The following PTPN13 variants were observed in gnomAD, a reference collection of about 807,000 sequenced individuals.
PTPN13 encodes protein tyrosine phosphatase non-receptor type 13, also known as tyrosine-protein phosphatase non-receptor type 13.
In PTPN13, 191 loss-of-function variants were observed where a neutral mutation model predicts 284.0. The observed-to-expected ratio is 0.67, with a 90% CI of 0.60 to 0.76. The LOEUF (loss-of-function observed/expected upper bound fraction) is 0.76. Ranked by LOEUF, PTPN13 falls within the 30% of genes least tolerant of loss-of-function variation. The pLI is 0.00. For synonymous variants in PTPN13, 986 were observed against 1,022.3 expected (o/e 0.96, Z 0.68); for missense variants, 2,797 against 2,939.9 (o/e 0.95, Z 1.12).
intron 15 of PTPN13, among the ~76,000 whole-genome samples, chr4:86,740,815 T>C (rs892652742): frequency 2.0e-5 from 3 of 152,130 alleles, no homozygotes; most frequent in Admixed American, 2.0e-4. Context: ...GCTTTGCTGC[T>C]TAGAAATTTC....
At chr4:86,599,704 T>C (rs1440950826) in intron 1 of PTPN13, among the ~76,000 whole-genome samples, 1 of 152,204 alleles carries the variant, frequency 6.6e-6, no homozygotes, top group East Asian at 1.9e-4. Context: ...TTTAAAAATA[T>C]ATTGTGTTAT....
chr4:86,778,276 T>C (rs1740877434), intron 35 of PTPN13, among the ~76,000 whole-genome samples: 1 of 152,238 alleles, frequency 6.6e-6, no homozygotes, highest in African/African-American at 2.4e-5. Flanking sequence ...GATTTTACTG[T>C]ACTTGCAAGC....
At chr4:86,697,104 A>G (rs1451069391) in intron 6 of PTPN13, among the ~76,000 whole-genome samples, 1 of 152,134 alleles carries the variant, frequency 6.6e-6, no homozygotes, top group Non-Finnish European at 1.5e-5. Context: ...TGAAAAAAAA[A>G]TTATCTCTTG....
rs1286970412 is a variant in PTPN13, at chr4:86,780,618, ACTTGAAGAAAG to A, written c.5962+147_5962+157del. ...CCAGCTTTTTCACTGCCAGCTGTTC[ACTTGAAGAAAG>A]TAAGCCTATATTCTACATAAAAACT... On this transcript the variant is annotated intron_variant, in intron 36 of 47. Transcript: ENST00000411767. 6.1e-6 allele frequency: 4 copies of A among 660,736 alleles called. No individual in the cohort carries two copies. In the Admixed American group the frequency reaches 9.3e-5, roughly 15 times the overall value. The allele number at this position is 660,736 out of a possible 1,614,324, so 40.9% of individuals were successfully genotyped here. A position where few individuals can be genotyped will look rare whatever the true frequency, so the allele number is the denominator to read the frequency against.
chr4:86,716,501 T>G (rs1363906353), intron 7 of PTPN13, 29 bp from the exon 8 acceptor site: 1 of 1,361,964 alleles, frequency 7.3e-7, no homozygotes, highest in East Asian at 2.4e-5. Flanking sequence ...TGAGTTTGCT[T>G]TCTAATCTTT....
intron 35 of PTPN13, among the ~76,000 whole-genome samples, chr4:86,777,045 T>C (rs1740739047): frequency 6.6e-6 from 1 of 152,170 alleles, no homozygotes; most frequent in South Asian, 2.1e-4. Context: ...TTTCACATTA[T>C]AAAACATGCT....
In PTPN13 at chr4:86,694,501, C is replaced by T. The variant is rs113479315; in HGVS notation, c.634+827C>T. On this transcript the variant is annotated intron_variant, in intron 6 of 47. Coordinates refer to ENST00000411767, the MANE Select transcript of PTPN13 (RefSeq NM_080683.3). The stretch of plus-strand genomic sequence containing the variant: ...AGGCTGAGACAGGAGAATCTTGAAC[C>T]GGGGAGGCAGAGGTTGCAGTTAGCC... 2.9e-3 allele frequency among the ~76,000 whole-genome samples: 409 copies of T among 142,414 alleles called. 3 individuals are homozygous for T. The highest frequency in any genetic ancestry group is 0.01 in the African/African-American group (386 of 37,604). The allele number at this position is 142,414 out of a possible 152,430, so 93.4% of individuals were successfully genotyped here. A position where few individuals can be genotyped will look rare whatever the true frequency, so the allele number is the denominator to read the frequency against.
intron 2 of PTPN13, among the ~76,000 whole-genome samples, chr4:86,657,799 G>C (rs1182500477): frequency 1.3e-5 from 2 of 152,126 alleles, no homozygotes; most frequent in African/African-American, 4.8e-5. Flanking sequence ...TGGAATTGGG[G>C]GCTTCGGGAA....
Position 86,771,345 on chromosome 4 carries a change from G to A in PTPN13, c.4978G>A (p.Glu1660Lys), listed in dbSNP as rs1201959946. The A allele has an allele frequency of 1.3e-6, 2 of 1,591,696 alleles. No homozygotes were observed. The highest frequency in any genetic ancestry group is 1.7e-4 in the Middle Eastern group (1 of 6,044). Residue 1660 changes from glutamate to lysine, a missense_variant, in exon 31 of 48, where the codon GAA becomes AAA. By Grantham distance (56) the Glu-to-Lys change is moderately conservative (BLOSUM62 1). Coordinates refer to ENST00000411767, the MANE Select transcript of PTPN13 (RefSeq NM_080683.3). ...DSYSDSSGSG[E>K]DDLVTAPANI... ...TTACAGTGACAGCAGTGGGAGTGGAGAAGATGACTTAGTGACAGCTCCAGC... is the reference window on the plus strand; with the variant it reads ...TTACAGTGACAGCAGTGGGAGTGGAAAAGATGACTTAGTGACAGCTCCAGC...
intron 45 of PTPN13, 126 bp downstream of exon 45, chr4:86,808,023 C>A: frequency 1.3e-6 from 1 of 797,938 alleles, no homozygotes; most frequent in Non-Finnish European, 2.0e-6. Flanking sequence ...AGTTCCCATG[C>A]AATGGAACTA....
At chr4:86,638,265 A>G (rs1200761824) in intron 2 of PTPN13, among the ~76,000 whole-genome samples, 1 of 152,184 alleles carries the variant, frequency 6.6e-6, no homozygotes, top group South Asian at 2.1e-4. Context: ...AAGGTAATTT[A>G]TACATTCAAT....
intron 47 of PTPN13, among the ~76,000 whole-genome samples, chr4:86,811,693 C>G: frequency 6.6e-6 from 1 of 152,194 alleles, no homozygotes; most frequent in East Asian, 1.9e-4. Context: ...GAGTGTCTGT[C>G]TTCACTGAAG....
chr4:86,786,172 A>C (rs1251861414), intron 40 of PTPN13, among the ~76,000 whole-genome samples: 4 of 152,184 alleles, frequency 2.6e-5, no homozygotes, highest in Non-Finnish European at 5.9e-5. Context: ...TAGTTTTCAA[A>C]AATGTAATGC....
intron 10 of PTPN13, among the ~76,000 whole-genome samples, chr4:86,724,864 A>G (rs1734061026): frequency 6.6e-6 from 1 of 151,942 alleles, no homozygotes; most frequent in Non-Finnish European, 1.5e-5. Context: ...CATGTGCACA[A>G]CATGCAGGTT....
intron 2 of PTPN13, among the ~76,000 whole-genome samples, chr4:86,639,961 T>A (rs1350796113): frequency 6.6e-6 from 1 of 152,154 alleles, no homozygotes; most frequent in East Asian, 1.9e-4. Flanking sequence ...GAGAACCATT[T>A]ATAGGATAGA....
chr4:86,700,300 C>T (rs557637753), intron 6 of PTPN13, among the ~76,000 whole-genome samples: 2 of 152,228 alleles, frequency 1.3e-5, no homozygotes, highest in East Asian at 3.9e-4. Flanking sequence ...GAAGGTAGCA[C>T]ATGAAATCTT....
At chr4:86,627,446 A>T in intron 1 of PTPN13, among the ~76,000 whole-genome samples, 1 of 152,050 alleles carries the variant, frequency 6.6e-6, no homozygotes, top group East Asian at 1.9e-4. Context: ...AAAAACATCC[A>T]GGCAGCTTCA....
intron 2 of PTPN13, among the ~76,000 whole-genome samples, chr4:86,635,988 C>A (rs1162814736): frequency 3.9e-5 from 6 of 152,012 alleles, no homozygotes; most frequent in East Asian, 3.9e-4. Flanking sequence ...CACACACACT[C>A]ACACACGAAC....
chr4:86,692,905 C>A (rs1011240347), intron 5 of PTPN13, among the ~76,000 whole-genome samples: 1 of 151,806 alleles, frequency 6.6e-6, no homozygotes, highest in Admixed American at 6.6e-5. Context: ...CATGGTGAAA[C>A]CCTGTCTCTA....
Sources: allele counts gnomAD v4.1 joint callset (sites outside exome capture counted in the v4.1 genomes callset), GRCh38; gene constraint gnomAD v4.1.1; transcripts MANE v1.5; gene names NCBI Gene and HGNC (gene_info 2026-07-23, HGNC 2026-07-21).